Variants in GIPC2 observed in about 807,000 individuals in gnomAD.
GIPC2 encodes the protein PDZ domain-containing protein GIPC2.
In GIPC2, 30 loss-of-function variants were observed where a neutral mutation model predicts 30.6. The ratio of observed to expected loss-of-function variants is 0.98; its 90% CI spans 0.73 to 1.33. GIPC2 has a LOEUF of 1.33. GIPC2 is among the 40% of genes most tolerant of loss of function. The pLI, the probability that GIPC2 is intolerant of heterozygous loss-of-function variation, is 0.00. For missense variants in GIPC2, 414 were observed against 390.3 expected (o/e 1.06, Z -0.51); for synonymous variants, 167 against 150.0 (o/e 1.11, Z -0.83).
At chr1:78,070,474 G>A (rs1302513121) in intron 1 of GIPC2, among the ~76,000 whole-genome samples, 2 of 152,128 alleles carry the variant, frequency 1.3e-5, no homozygotes, top group Admixed American at 6.5e-5. Flanking sequence ...TATTAGACTA[G>A]GATAAGCTCA....
In GIPC2 at chr1:78,136,359, C is replaced by A. The variant is rs1663003856; in HGVS notation, c.*616C>A. 1 of 151,980 alleles carries A rather than the reference C, an allele frequency of 6.6e-6. No individual in the cohort carries two copies. Among genetic ancestry groups the A allele is most frequent in the Non-Finnish European group, 1.5e-5 (1 of 67,986 alleles). The allele number at this position is 151,980 out of a possible 1,614,324, so 9.4% of individuals were successfully genotyped here. A position where few individuals can be genotyped will look rare whatever the true frequency, so the allele number is the denominator to read the frequency against. Reference sequence around the variant, plus strand: ...TTTCTTGTATGCTTCTTTATACATGCTCTTAAAACTTGTGGTTGAAATCTG... The same window carrying A: ...TTTCTTGTATGCTTCTTTATACATGATCTTAAAACTTGTGGTTGAAATCTG... On this transcript the variant is annotated 3_prime_UTR_variant, in exon 6 of 6. Coordinates refer to ENST00000370759, the MANE Select transcript of GIPC2 (RefSeq NM_017655.6).
At chr1:78,099,390 C>T (rs1473962046) in intron 3 of GIPC2, among the ~76,000 whole-genome samples, 5 of 151,342 alleles carry the variant, frequency 3.3e-5, no homozygotes, top group African/African-American at 1.2e-4. Context: ...TGGGAGACAT[C>T]AAGTGTGCTT....
chr1:78,069,002 G>A (rs976762851), intron 1 of GIPC2: 18 of 867,908 alleles, frequency 2.1e-5, no homozygotes, highest in Middle Eastern at 5.9e-4. Context: ...TAAGTGCTCT[G>A]CCTCCCCTAG....
chr1:78,085,897 G>GTTTTTTTTTTTTTTTTTTTTT (rs35412467), intron 2 of GIPC2, among the ~76,000 whole-genome samples: 3 of 120,306 alleles, frequency 2.5e-5, no homozygotes, highest in East Asian at 2.5e-4. Flanking sequence ...TCTTTTGAAT[G>GTTTTTTTTTTTTTTTTTTTTT]TTTTTTTTTT....
At chr1:78,099,237 T>TAC (rs1239288944) in intron 3 of GIPC2, among the ~76,000 whole-genome samples, 1 of 152,028 alleles carries the variant, frequency 6.6e-6, no homozygotes, top group African/African-American at 2.4e-5. Context: ...CTGTATACCA[T>TAC]CACCATACCA....
At chr1:78,127,268 A>G (rs1662799815) in intron 5 of GIPC2, among the ~76,000 whole-genome samples, 3 of 152,210 alleles carry the variant, frequency 2.0e-5, no homozygotes, top group Admixed American at 1.3e-4. Context: ...AAAAATCTCA[A>G]CTGGCTTTTA....
chr1:78,103,856 G>T (rs191769270), intron 3 of GIPC2, among the ~76,000 whole-genome samples: 1 of 152,312 alleles, frequency 6.6e-6, no homozygotes, highest in Non-Finnish European at 1.5e-5. Context: ...ATTTATGGCA[G>T]GTCCCACCAG....
chr1:78,091,909 C>A, intron 2 of GIPC2: 1 of 815,398 alleles, frequency 1.2e-6, no homozygotes, highest in Non-Finnish European at 2.2e-6. Flanking sequence ...CAACATTTTC[C>A]ATTTTCTATT....
chr1:78,096,749 A>T (rs931110058), intron 3 of GIPC2, among the ~76,000 whole-genome samples: 1 of 152,212 alleles, frequency 6.6e-6, no homozygotes, highest in Non-Finnish European at 1.5e-5. Flanking sequence ...ATCAATGGAC[A>T]CATTTGCAAA....
Position 78,046,083 on chromosome 1 carries a change from C to G in GIPC2, c.-12C>G, listed in dbSNP as rs1255749725. 1.4e-6 allele frequency: 2 copies of G among 1,420,664 alleles called. No individual in the cohort carries two copies. Among genetic ancestry groups the G allele is most frequent in the Admixed American group, 3.4e-5 (1 of 29,102 alleles). 88.0% of individuals were successfully genotyped at this position (1,420,664 alleles called of 1,614,324 possible). On this transcript the variant is annotated 5_prime_UTR_variant, in exon 1 of 6. Coordinates refer to ENST00000370759, the MANE Select transcript of GIPC2 (RefSeq NM_017655.6). Reference sequence around the variant, plus strand: ...GGCAGCGCAGGTGGGCCCGCGCTCTCGGCCCTGCAAGATGCCCCTGAAGCT... The same window carrying G: ...GGCAGCGCAGGTGGGCCCGCGCTCTGGGCCCTGCAAGATGCCCCTGAAGCT...
At chr1:78,053,984 A>G (rs1306354721) in intron 1 of GIPC2, among the ~76,000 whole-genome samples, 1 of 152,108 alleles carries the variant, frequency 6.6e-6, no homozygotes, top group Non-Finnish European at 1.5e-5. Context: ...CTACCAGCCA[A>G]ACAATGTCTC....
At chr1:78,128,515 C>T (rs556140995) in intron 5 of GIPC2, among the ~76,000 whole-genome samples, 5 of 152,292 alleles carry the variant, frequency 3.3e-5, no homozygotes, top group African/African-American at 9.6e-5. Flanking sequence ...GAGGCATCAA[C>T]GTGTACATAA....
intron 1 of GIPC2, among the ~76,000 whole-genome samples, chr1:78,067,974 G>A (rs953859869): frequency 2.0e-5 from 3 of 151,954 alleles, no homozygotes; most frequent in Admixed American, 2.0e-4. Context: ...TAACTAGCCC[G>A]GACTCTTCTG....
At chr1:78,131,410 G>T (rs895150099) in intron 5 of GIPC2, among the ~76,000 whole-genome samples, 1 of 151,864 alleles carries the variant, frequency 6.6e-6, no homozygotes, top group Admixed American at 6.6e-5. Flanking sequence ...GGGTTTCACC[G>T]TGTTAGCCAG....
At chr1:78,105,638 G>A (rs578166366) in intron 3 of GIPC2, among the ~76,000 whole-genome samples, 1 of 152,122 alleles carries the variant, frequency 6.6e-6, no homozygotes, top group South Asian at 2.1e-4. Flanking sequence ...ACCATGAATA[G>A]GAGGTACATA....
In GIPC2 at chr1:78,070,769, TCTGA is replaced by T. The variant is rs564683590; in HGVS notation, c.241-9902_241-9899del. On this transcript the variant is annotated intron_variant, in intron 1 of 5. Transcript: ENST00000370759. ...TCATTTGGTAGATTCAAAATATGAA[TCTGA>T]CTGTTTTTCTTTTTTTGGATAGAAT... Among the ~76,000 whole-genome samples, 28 of 152,302 alleles carry T rather than the reference TCTGA, an allele frequency of 1.8e-4. No homozygotes were observed. The South Asian group carries it at 5.6e-3, about 30-fold the overall frequency.
At chr1:78,091,838 C>T (rs1407240615) in intron 2 of GIPC2, 5 of 777,616 alleles carry the variant, frequency 6.4e-6, no homozygotes, top group Non-Finnish European at 1.2e-5. Flanking sequence ...AAGGATGTCT[C>T]GGAAGGAGAA....
chr1:78,078,289 A>G (rs1661757044), intron 1 of GIPC2, among the ~76,000 whole-genome samples: 1 of 151,606 alleles, frequency 6.6e-6, no homozygotes, highest in Non-Finnish European at 1.5e-5. Flanking sequence ...CCTTTATCAT[A>G]TACTTAGAGG....
In GIPC2 at chr1:78,135,894, T is replaced by C. The variant is rs1662994252; in HGVS notation, c.*151T>C. 3 of 598,602 alleles carry C rather than the reference T, an allele frequency of 5.0e-6. No homozygotes were observed. In the East Asian group the frequency reaches 9.8e-5, roughly 20 times the overall value. 37.1% of individuals were successfully genotyped at this position (598,602 alleles called of 1,614,324 possible). ...ATTCTTTGAAATATAATTTTGGTAA[T>C]TTTGATTTCTGGGCACTTTTTAACA... is the stretch of plus-strand genomic sequence containing the variant. On this transcript the variant is annotated 3_prime_UTR_variant, in exon 6 of 6. Transcript: ENST00000370759.
Sources: allele counts gnomAD v4.1 joint callset (sites outside exome capture counted in the v4.1 genomes callset), GRCh38; gene constraint gnomAD v4.1.1; transcripts MANE v1.5; gene names NCBI Gene and HGNC (gene_info 2026-07-23, HGNC 2026-07-21).